Variants in NUTM2B observed in about 807,000 individuals in gnomAD.
NUTM2B encodes the protein NUT family member 2B.
A neutral mutation model predicts 42.4 loss-of-function variants in NUTM2B; 2 were observed. The observed-to-expected ratio is 0.05, with a 90% CI of 0.02 to 0.15. NUTM2B has a LOEUF of 0.15. Ranked by LOEUF, NUTM2B falls within the 10% of genes least tolerant of loss-of-function variation. NUTM2B has a pLI of 1.00. For synonymous variants in NUTM2B, 18 were observed against 402.4 expected (o/e 0.04, Z 11.43); for missense variants, 58 against 952.6 (o/e 0.06, Z 12.36).
intron 1 of NUTM2B, among the ~76,000 whole-genome samples, chr10:79,705,648 G>A (rs1840376272): frequency 1.5e-5 from 2 of 137,002 alleles, no homozygotes; most frequent in African/African-American, 5.4e-5. Flanking sequence ...TCTGAGTGCG[G>A]AGCACTGCCC....
chr10:79,695,634 G>A, the NUTM2B span, among the ~76,000 whole-genome samples: 10 of 152,194 alleles, frequency 6.6e-5, no homozygotes, highest in South Asian at 1.0e-3. Flanking sequence ...CTTTCATCTC[G>A]TGGAACGTAT....
At position 79,705,646 on chromosome 10, in the gene NUTM2B, C is replaced by G. The variant is rs572228032; in HGVS notation, c.383-396C>G. Reference sequence around the variant, plus strand: ...TGGCTTCCTGTCGGCCTTCTGAGTGCGGAGCACTGCCCTGGGGTAGGCCCC... The same window carrying G: ...TGGCTTCCTGTCGGCCTTCTGAGTGGGGAGCACTGCCCTGGGGTAGGCCCC... On this transcript the variant is annotated intron_variant, in intron 1 of 6. Coordinates refer to ENST00000429828, the Ensembl canonical transcript of NUTM2B. 4.5e-4 allele frequency among the ~76,000 whole-genome samples: 62 copies of G among 137,188 alleles called. 5 individuals carry two copies. The highest frequency in any genetic ancestry group is 6.5e-4 in the Non-Finnish European group (42 of 64,144). 90.0% of individuals were successfully genotyped at this position (137,188 alleles called of 152,430 possible).
In NUTM2B at chr10:79,707,333, G is replaced by A. The variant is rs574987668; in HGVS notation, c.1082+592G>A. 9.1e-3 allele frequency among the ~76,000 whole-genome samples: 1,200 copies of A among 132,116 alleles called. 4 individuals are homozygous for A. The highest frequency in any genetic ancestry group is 0.017 in the South Asian group (57 of 3,272). 86.7% of individuals were successfully genotyped at this position (132,116 alleles called of 152,430 possible). A position where few individuals can be genotyped will look rare whatever the true frequency, so the allele number is the denominator to read the frequency against. On this transcript the variant is annotated intron_variant, in intron 2 of 6. Coordinates refer to ENST00000429828, the Ensembl canonical transcript of NUTM2B. ...ACAATGATGCTTCATTCAGAGGATG[G>A]TGAAGAGATAACTTGAGCTCACATA...
At chr10:79,695,326 C>A in the NUTM2B span, among the ~76,000 whole-genome samples, 1 of 152,180 alleles carries the variant, frequency 6.6e-6, no homozygotes, top group Non-Finnish European at 1.5e-5. Flanking sequence ...ATTTTCTGTA[C>A]GGAACTTCAG....
At chr10:79,702,148 A>G (rs1378104825), upstream of NUTM2B, among the ~76,000 whole-genome samples, 1 of 151,542 alleles carries the variant, frequency 6.6e-6, no homozygotes, top group African/African-American at 2.4e-5. Flanking sequence ...TGTTTTGGTA[A>G]GTTTACCATG....
upstream of NUTM2B, among the ~76,000 whole-genome samples, chr10:79,701,877 AT>A (rs2132238890): frequency 6.9e-6 from 1 of 145,852 alleles, no homozygotes; most frequent in Non-Finnish European, 1.5e-5. Context: ...TCCACAATAT[AT>A]TTTTTGTATC....
At chr10:79,699,312 T>C (rs1286726463), upstream of NUTM2B, among the ~76,000 whole-genome samples, 5 of 151,628 alleles carry the variant, frequency 3.3e-5, no homozygotes, top group South Asian at 2.1e-4. Context: ...AGAAAACACA[T>C]GGAAAATACA....
chr10:79,698,361 A>C (rs1242922274), upstream of NUTM2B, among the ~76,000 whole-genome samples: 1 of 151,704 alleles, frequency 6.6e-6, no homozygotes, highest in African/African-American at 2.4e-5. Flanking sequence ...ATGCCCAAAC[A>C]CATGTACGAA....
chr10:79,694,397 C>A, the NUTM2B span, among the ~76,000 whole-genome samples: 103 of 126,456 alleles, frequency 8.1e-4, no homozygotes, highest in Middle Eastern at 4.4e-3. Flanking sequence ...GACTCTGTCT[C>A]AAAAAAAAAA....
At chr10:79,705,552 AG>A (rs1295458206) in intron 1 of NUTM2B, among the ~76,000 whole-genome samples, 1 of 151,194 alleles carries the variant, frequency 6.6e-6, no homozygotes, top group East Asian at 2.0e-4. Flanking sequence ...TGGGAAAGAA[AG>A]GGGTTTACAA....
chr10:79,707,097 C>T (rs1840407296), intron 2 of NUTM2B, among the ~76,000 whole-genome samples: 1 of 128,270 alleles, frequency 7.8e-6, no homozygotes, highest in African/African-American at 3.1e-5. Context: ...CCCCTTTAAC[C>T]CAGTATTGAT....
chr10:79,700,919 C>T (rs1840304161), upstream of NUTM2B, among the ~76,000 whole-genome samples: 3 of 152,200 alleles, frequency 2.0e-5, no homozygotes, highest in Admixed American at 6.5e-5. Context: ...ACAACGCCCC[C>T]TCATTGGAAC....
upstream of NUTM2B, among the ~76,000 whole-genome samples, chr10:79,699,877 T>C (rs986616256): frequency 7.2e-5 from 11 of 152,176 alleles, no homozygotes; most frequent in Admixed American, 2.0e-4. Context: ...TATTTTCACA[T>C]ACACAAAACC....
upstream of NUTM2B, among the ~76,000 whole-genome samples, chr10:79,698,866 G>A (rs1029262565): frequency 1.3e-4 from 20 of 151,434 alleles, no homozygotes; most frequent in African/African-American, 4.4e-4. Flanking sequence ...TAACTAACAC[G>A]CCACAAATAT....
exon 7 of NUTM2B, chr10:79,712,008 C>T: frequency 7.3e-7 from 1 of 1,378,614 alleles, no homozygotes; most frequent in Non-Finnish European, 9.6e-7. Context: ...CTCCCCAGGA[C>T]CACAGACCCA....
chr10:79,696,381 A>G, the NUTM2B span, among the ~76,000 whole-genome samples: 1 of 151,908 alleles, frequency 6.6e-6, no homozygotes, highest in Non-Finnish European at 1.5e-5. Context: ...TTTCATAGGA[A>G]TATGTGTACA....
At chr10:79,700,625 T>C (rs1030298073), upstream of NUTM2B, among the ~76,000 whole-genome samples, 1 of 152,016 alleles carries the variant, frequency 6.6e-6, no homozygotes, top group African/African-American at 2.4e-5. Context: ...GAGATTACCT[T>C]CTGATCACCC....
the NUTM2B span, among the ~76,000 whole-genome samples, chr10:79,694,666 A>G: frequency 6.6e-6 from 1 of 152,152 alleles, no homozygotes; most frequent in African/African-American, 2.4e-5. Flanking sequence ...CTGCAGGGCC[A>G]GCACCCAACA....
At chr10:79,698,963 G>A (rs1245058084), upstream of NUTM2B, among the ~76,000 whole-genome samples, 1 of 152,062 alleles carries the variant, frequency 6.6e-6, no homozygotes, top group Non-Finnish European at 1.5e-5. Flanking sequence ...TGCTCACACA[G>A]AAATAACTCC....
Sources: allele counts gnomAD v4.1 joint callset (sites outside exome capture counted in the v4.1 genomes callset), GRCh38; gene constraint gnomAD v4.1.1; transcripts MANE v1.5; gene names NCBI Gene and HGNC (gene_info 2026-07-23, HGNC 2026-07-21).